The following MAGI2 variants were observed in gnomAD, a reference collection of about 807,000 sequenced individuals.
MAGI2 encodes the protein membrane-associated guanylate kinase, WW and PDZ domain-containing protein 2.
A neutral mutation model predicts 133.3 loss-of-function variants in MAGI2; 35 were observed. The observed-to-expected ratio is 0.26, with a 90% confidence interval of 0.20 to 0.35. MAGI2 has a LOEUF of 0.35. Among genes scored for constraint, MAGI2 ranks in the 10% least tolerant of loss-of-function variants. The pLI is 1.00. For missense variants in MAGI2, 1,636 were observed against 1,863.4 expected, an observed-to-expected ratio of 0.88 and a Z score of 2.25; for synonymous variants, 729 against 710.6, an observed-to-expected ratio of 1.03 and a Z score of -0.41.
rs531929708 is a variant in MAGI2 at position 78,598,667 on chromosome 7, C to T, written c.538+28453G>A. On this transcript the variant is annotated intron_variant, in intron 3 of 21. Transcript: ENST00000354212. The stretch of plus-strand genomic sequence containing the variant: ...CAAGGAAACCCGTTGGGAGGGGTTG[C>T]TTTGATTTGGATAAAAATGCTAATT... Among the ~76,000 whole-genome samples the T allele has an allele frequency of 1.4e-4, 21 of 152,238 alleles. No homozygotes were observed. In the South Asian group the frequency reaches 4.1e-3, roughly 30 times the overall value.
intron 9 of MAGI2, among the ~76,000 whole-genome samples, chr7:78,283,141 T>C (rs2151017934): frequency 6.6e-6 from 1 of 152,230 alleles, no homozygotes; most frequent in South Asian, 2.1e-4. Flanking sequence ...ATGGATTTCC[T>C]TTGAAAATAA....
chr7:78,345,910 C>T lies in MAGI2; in HGVS notation c.1225+12G>A, dbSNP rs778966304. On this transcript the variant is annotated intron_variant, in intron 8 of 21. Coordinates refer to ENST00000354212, the MANE Select transcript of MAGI2 (RefSeq NM_012301.4). ...TTCCCTTTGAAACATCACATGCTGA[C>T]AGGTATCATACCTCGGAAACCTGGG... 6.2e-7 allele frequency: 1 copy of T among 1,612,698 alleles called. No individual in the cohort carries two copies. Among genetic ancestry groups the T allele is most frequent in the Non-Finnish European group, 8.5e-7 (1 of 1,179,680 alleles).
chr7:78,426,553 A>C (rs1041186567), intron 6 of MAGI2, among the ~76,000 whole-genome samples: 1 of 152,096 alleles, frequency 6.6e-6, no homozygotes. Flanking sequence ...ACATGTATAC[A>C]TATGTAACTA....
chr7:78,737,907 C>A (rs1458707132), intron 2 of MAGI2, among the ~76,000 whole-genome samples: 1 of 152,010 alleles, frequency 6.6e-6, no homozygotes, highest in Non-Finnish European at 1.5e-5. Context: ...TTGAGAATGG[C>A]TATCACTTAG....
intron 1 of MAGI2, among the ~76,000 whole-genome samples, chr7:79,225,426 CTG>C (rs1482047635): frequency 6.6e-6 from 1 of 152,122 alleles, no homozygotes; most frequent in African/African-American, 2.4e-5. Context: ...TGTATGAAGT[CTG>C]TTTTCATATT....
At chr7:78,913,213 A>G (rs961709435) in intron 2 of MAGI2, among the ~76,000 whole-genome samples, 4 of 152,078 alleles carry the variant, frequency 2.6e-5, no homozygotes, top group South Asian at 2.1e-4. Context: ...ATAATCCCCA[A>G]TGTTGGAGGT....
chr7:78,399,669 G>A (rs528546232), intron 6 of MAGI2, among the ~76,000 whole-genome samples: 1 of 152,108 alleles, frequency 6.6e-6, no homozygotes, highest in East Asian at 1.9e-4. Flanking sequence ...GCTAGGCATG[G>A]TGGCACATGC....
At position 78,313,036 on chromosome 7, in the gene MAGI2, C is replaced by T. The variant is rs1027372001; in HGVS notation, c.1408+30742G>A. 1.2e-3 allele frequency among the ~76,000 whole-genome samples: 181 copies of T among 151,560 alleles called. 1 individual carries two copies. Among genetic ancestry groups the T allele is most frequent in the African/African-American group, 4.0e-3 (164 of 41,320 alleles). On this transcript the variant is annotated intron_variant, in intron 9 of 21. Transcript: ENST00000354212. ...AAATGAATGAAATCATAAAAAAGAG[C>T]GAAATCATGTCTTTTGCAGTGACAT... is the stretch of plus-strand genomic sequence containing the variant.
At chr7:78,848,776 A>G (rs1462221454) in intron 2 of MAGI2, among the ~76,000 whole-genome samples, 1 of 152,040 alleles carries the variant, frequency 6.6e-6, no homozygotes, top group Non-Finnish European at 1.5e-5. Flanking sequence ...CTCTGCCAAA[A>G]TATATCATCC....
intron 3 of MAGI2, among the ~76,000 whole-genome samples, chr7:78,545,289 T>C (rs571489229): frequency 6.9e-6 from 1 of 145,982 alleles, no homozygotes; most frequent in African/African-American, 2.5e-5. Flanking sequence ...CTCTGCTCAC[T>C]GCAAACTCCA....
At chr7:79,112,139 AT>A (rs894210200) in intron 1 of MAGI2, among the ~76,000 whole-genome samples, 2 of 150,508 alleles carry the variant, frequency 1.3e-5, no homozygotes, top group East Asian at 2.0e-4. Context: ...ATAATTATAC[AT>A]TTTTTTTTAG....
intron 6 of MAGI2, among the ~76,000 whole-genome samples, chr7:78,428,755 G>C (rs60620266): frequency 0.25 from 38,004 of 152,000 alleles, 6,515 homozygotes; most frequent in African/African-American, 0.49. Context: ...AGTTTCACAC[G>C]TATATTTCTC....
chr7:78,529,346 A>G (rs2150614702), intron 3 of MAGI2, among the ~76,000 whole-genome samples: 1 of 152,340 alleles, frequency 6.6e-6, no homozygotes, highest in Middle Eastern at 3.4e-3. Flanking sequence ...TCTTTCCTTC[A>G]GTGGCTCTTC....
intron 1 of MAGI2, chr7:79,353,361 G>A (rs955523381): frequency 4.6e-6 from 2 of 432,764 alleles, no homozygotes; most frequent in Non-Finnish European, 9.3e-6. Context: ...CAGTCATGGA[G>A]GAAGCCTTGC....
intron 3 of MAGI2, among the ~76,000 whole-genome samples, chr7:78,599,927 C>T (rs1273388111): frequency 1.3e-5 from 2 of 152,174 alleles, no homozygotes; most frequent in African/African-American, 2.4e-5. Context: ...TTCGTGTGAA[C>T]TTTGGAATGG....
intron 1 of MAGI2, among the ~76,000 whole-genome samples, chr7:79,427,663 G>A (rs958503479): frequency 1.3e-5 from 2 of 152,130 alleles, no homozygotes; most frequent in Admixed American, 6.5e-5. Flanking sequence ...TAGGAAAATG[G>A]CATCAAATAC....
chr7:78,896,350 T>C (rs961782023), intron 2 of MAGI2, among the ~76,000 whole-genome samples: 1 of 152,038 alleles, frequency 6.6e-6, no homozygotes, highest in East Asian at 1.9e-4. Flanking sequence ...GTCAGCACAA[T>C]ACAAAATATC....
rs190639867 is a variant in MAGI2 at position 78,228,664 on chromosome 7, A to T, written c.2047+27279T>A. On this transcript the variant is annotated intron_variant, in intron 10 of 21. Transcript: ENST00000354212. ...TATATTTAAAATACTTGTTATTGAG[A>T]ATATCAGTAGATGTGGCAAATCTTT... Among the ~76,000 whole-genome samples, 11 of 152,364 alleles carry T rather than the reference A, an allele frequency of 7.2e-5. No individual in the cohort carries two copies. In the East Asian group the frequency reaches 2.1e-3, roughly 29 times the overall value.
At chr7:78,026,976 G>T (rs1808984284) in intron 21 of MAGI2, among the ~76,000 whole-genome samples, 1 of 152,180 alleles carries the variant, frequency 6.6e-6, no homozygotes, top group Non-Finnish European at 1.5e-5. Context: ...ATTAACTCAT[G>T]TTAATACATG....
Sources: allele counts gnomAD v4.1 joint callset (sites outside exome capture counted in the v4.1 genomes callset), GRCh38; gene constraint gnomAD v4.1.1; transcripts MANE v1.5; gene names NCBI Gene and HGNC (gene_info 2026-07-23, HGNC 2026-07-21).